Variants in CDH18 observed in about 807,000 individuals in gnomAD.
CDH18 encodes cadherin-18.
CDH18 carries 31 observed loss-of-function variants against 67.9 expected under a neutral mutation model. That is an observed-to-expected ratio of 0.46 (90% CI 0.34 to 0.62). The LOEUF (loss-of-function observed/expected upper bound fraction) is 0.62. Ranked by LOEUF, CDH18 falls within the 20% of genes least tolerant of loss-of-function variation. The pLI is 0.01. For synonymous variants in CDH18, 362 were observed against 347.2 expected (o/e 1.04, Z -0.48); for missense variants, 890 against 975.5 (o/e 0.91, Z 1.17).
chr5:20,262,767 T>C (rs1744746073), intron 1 of CDH18, among the ~76,000 whole-genome samples: 1 of 152,010 alleles, frequency 6.6e-6, no homozygotes, highest in Non-Finnish European at 1.5e-5. Context: ...TAGAAATATA[T>C]ACAATCGTAT....
At chr5:20,239,532 G>C (rs879887236) in intron 2 of CDH18, among the ~76,000 whole-genome samples, 6 of 152,130 alleles carry the variant, frequency 3.9e-5, no homozygotes, top group Non-Finnish European at 5.9e-5. Context: ...ACAGGTTAAG[G>C]AGATGAGAGG....
chr5:20,105,730 G>T (rs759203150), intron 2 of CDH18, among the ~76,000 whole-genome samples: 2 of 152,152 alleles, frequency 1.3e-5, no homozygotes, highest in Admixed American at 6.5e-5. Context: ...TGTACCTGTT[G>T]TTGCATGTCT....
intron 11 of CDH18, among the ~76,000 whole-genome samples, chr5:19,498,088 C>A (rs924156568): frequency 6.6e-6 from 1 of 152,084 alleles, no homozygotes; most frequent in Non-Finnish European, 1.5e-5. Flanking sequence ...TGGGTTTGTA[C>A]CTCAACTAAG....
intron 2 of CDH18, among the ~76,000 whole-genome samples, chr5:19,865,416 T>C (rs1263954041): frequency 6.6e-6 from 1 of 152,212 alleles, no homozygotes; most frequent in Non-Finnish European, 1.5e-5. Context: ...TATTTCAATA[T>C]TGAATTATTC....
Position 19,571,642 on chromosome 5 carries a change from T to C in CDH18, c.1190A>G (p.Lys397Arg). The change falls in exon 8 of 13, where the codon AAG becomes AGG. Residue 397 changes from lysine (K) to arginine (R), a missense_variant. By Grantham distance (26) the Lys-to-Arg change is conservative. Coordinates refer to ENST00000382275, the MANE Select transcript of CDH18 (RefSeq NM_004934.5). ...SYLMEVYENA[K>R]IGTVVGTVLA... The stretch of plus-strand genomic sequence containing the variant: ...AACTGTACCAACGACGGTCCCAATC[T>C]TGGCATTTTCGTAGACTTCCATGAG... 2 of 1,613,976 alleles carry C rather than the reference T, an allele frequency of 1.2e-6. No individual in the cohort carries two copies. The highest frequency in any genetic ancestry group is 1.7e-6 in the Non-Finnish European group (2 of 1,179,910).
At chr5:20,241,799 C>T (rs895683885) in intron 2 of CDH18, among the ~76,000 whole-genome samples, 1 of 150,126 alleles carries the variant, frequency 6.7e-6, no homozygotes, top group South Asian at 2.1e-4. Flanking sequence ...TTGCAGTGAG[C>T]CAAGATTGCG....
At chr5:19,624,587 A>G (rs1751227709) in intron 5 of CDH18, among the ~76,000 whole-genome samples, 1 of 152,182 alleles carries the variant, frequency 6.6e-6, no homozygotes, top group African/African-American at 2.4e-5. Context: ...AGAACTTTAT[A>G]CACCCTCCTT....
At chr5:20,569,378 T>C (rs1758682707) in intron 1 of CDH18, among the ~76,000 whole-genome samples, 1 of 152,128 alleles carries the variant, frequency 6.6e-6, no homozygotes, top group African/African-American at 2.4e-5. Context: ...ATCCCAGCAC[T>C]TTGGAAGGCC....
intron 1 of CDH18, among the ~76,000 whole-genome samples, chr5:20,351,895 C>G (rs1741213680): frequency 6.6e-6 from 1 of 152,070 alleles, no homozygotes; most frequent in South Asian, 2.1e-4. Flanking sequence ...CCAGCGAGTC[C>G]ACTGGAGCAA....
intron 1 of CDH18, chr5:20,305,127 G>T (rs1434753534): frequency 1.3e-6 from 2 of 1,511,502 alleles, no homozygotes; most frequent in Admixed American, 3.3e-5. Context: ...AGGCTACCTT[G>T]GGCTCTGCCA....
At chr5:20,295,369 T>C (rs1439803861) in intron 1 of CDH18, among the ~76,000 whole-genome samples, 1 of 152,016 alleles carries the variant, frequency 6.6e-6, no homozygotes, top group Non-Finnish European at 1.5e-5. Context: ...TAGCAGACAA[T>C]GAGACAATGG....
At chr5:19,825,663 T>C (rs1224285943) in intron 3 of CDH18, among the ~76,000 whole-genome samples, 2 of 151,136 alleles carry the variant, frequency 1.3e-5, no homozygotes, top group African/African-American at 2.4e-5. Flanking sequence ...AGCTTGTCAA[T>C]AGAATCCACC....
chr5:20,019,430 C>T (rs748214772), intron 2 of CDH18, among the ~76,000 whole-genome samples: 4 of 152,040 alleles, frequency 2.6e-5, no homozygotes, highest in Non-Finnish European at 4.4e-5. Context: ...AATTGTAACC[C>T]CCCAATGTTG....
chr5:19,985,223 C>T (rs1274515487), intron 1 of CDH18, among the ~76,000 whole-genome samples: 3 of 151,962 alleles, frequency 2.0e-5, no homozygotes, highest in Non-Finnish European at 4.4e-5. Flanking sequence ...AGTAAAACAC[C>T]TACCAATTGA....
intron 3 of CDH18, among the ~76,000 whole-genome samples, chr5:19,811,037 A>AGGAAAGGAAAG (rs1554039614): frequency 1.4e-5 from 2 of 141,144 alleles, no homozygotes; most frequent in African/African-American, 5.4e-5. Context: ...AGGAAAGGAA[A>AGGAAAGGAAAG]GGAAAGGGAA....
intron 2 of CDH18, among the ~76,000 whole-genome samples, chr5:20,143,135 T>C (rs900983686): frequency 2.0e-5 from 3 of 152,042 alleles, no homozygotes; most frequent in Non-Finnish European, 4.4e-5. Flanking sequence ...AGAGGAAAGG[T>C]ACAAAGTTCC....
At chr5:19,699,949 A>G (rs1403835887) in intron 5 of CDH18, among the ~76,000 whole-genome samples, 1 of 152,168 alleles carries the variant, frequency 6.6e-6, no homozygotes, top group Non-Finnish European at 1.5e-5. Context: ...AAATATACCT[A>G]TGTAACAAAA....
chr5:20,560,515 C>G (rs1224542403), intron 1 of CDH18, among the ~76,000 whole-genome samples: 5 of 99,206 alleles, frequency 5.0e-5, no homozygotes, highest in African/African-American at 1.3e-4. Flanking sequence ...ACACACACCC[C>G]TACATTCACA....
intron 2 of CDH18, among the ~76,000 whole-genome samples, chr5:19,929,860 C>G (rs1456676340): frequency 6.6e-6 from 1 of 152,042 alleles, no homozygotes. Context: ...AAATGGTCAT[C>G]ATTGGATGAC....
Sources: gnomAD v4.1 joint callset for allele counts (sites outside exome capture counted in the v4.1 genomes callset) on GRCh38, gnomAD v4.1.1 for gene constraint, MANE v1.5 for transcripts, NCBI Gene and HGNC (gene_info 2026-07-23, HGNC 2026-07-21) for gene names.